Variants in CNOT2 observed in about 807,000 individuals in gnomAD.
The protein encoded by CNOT2 is CCR4-NOT transcription complex subunit 2.
A neutral mutation model predicts 72.1 loss-of-function variants in CNOT2; 7 were observed. That is an observed-to-expected ratio of 0.10 (90% CI 0.06 to 0.18). CNOT2 has a LOEUF of 0.18. CNOT2 is among the 10% of genes least tolerant of loss of function. CNOT2 has a pLI of 1.00. For synonymous variants in CNOT2, 196 were observed against 225.6 expected (o/e 0.87, Z 1.17); for missense variants, 345 against 660.3 (o/e 0.52, Z 5.23).
chr12:70,350,925 CAT>C lies in CNOT2; in HGVS notation c.1537-2903_1537-2902del, dbSNP rs567927884. On this transcript the variant is annotated intron_variant, in intron 15 of 15. Coordinates refer to ENST00000229195, the MANE Select transcript of CNOT2 (RefSeq NM_014515.7). ...CTCTACATAACTAGATCAGTGATTA[CAT>C]TAATGTTTTTGTAATATTATTTGAC... 2.2e-3 allele frequency among the ~76,000 whole-genome samples: 329 copies of C among 152,242 alleles called. 1 individual carries two copies. Among genetic ancestry groups the C allele is most frequent in the Middle Eastern group, 0.017 (5 of 294 alleles).
chr12:70,295,535 C>A (rs186074331), intron 2 of CNOT2, among the ~76,000 whole-genome samples: 10 of 151,990 alleles, frequency 6.6e-5, no homozygotes, highest in African/African-American at 2.4e-4. Context: ...AGAAGATTTT[C>A]CTTCTGTATG....
intron 2 of CNOT2, among the ~76,000 whole-genome samples, chr12:70,286,810 TTG>T (rs1870973332): frequency 2.2e-5 from 3 of 137,516 alleles, no homozygotes; most frequent in Non-Finnish European, 3.2e-5. Flanking sequence ...TTAGTTTTCT[TTG>T]TGGAAGAATC....
At chr12:70,254,206 C>A (rs964748020) in intron 1 of CNOT2, among the ~76,000 whole-genome samples, 1 of 149,182 alleles carries the variant, frequency 6.7e-6, no homozygotes, top group Admixed American at 6.7e-5. Context: ...CCACTGCACT[C>A]CAGCCTGGGG....
chr12:70,262,960 A>C (rs1369568659), intron 1 of CNOT2, among the ~76,000 whole-genome samples: 2 of 152,214 alleles, frequency 1.3e-5, no homozygotes, highest in Admixed American at 1.3e-4. Context: ...GGCATGAGCC[A>C]CCACACCCGG....
intron 2 of CNOT2, among the ~76,000 whole-genome samples, chr12:70,307,522 A>G (rs1875641831): frequency 6.6e-6 from 1 of 152,128 alleles, no homozygotes; most frequent in Non-Finnish European, 1.5e-5. Flanking sequence ...TATATGGTCC[A>G]TCATTGACTG....
chr12:70,245,921 T>G (rs1054141143), intron 1 of CNOT2, among the ~76,000 whole-genome samples: 1 of 152,168 alleles, frequency 6.6e-6, no homozygotes, highest in African/African-American at 2.4e-5. Flanking sequence ...TATGAATAGA[T>G]TTTATTAGAA....
In CNOT2 at chr12:70,338,442, G is replaced by C; in HGVS notation, c.901-1G>C. ...GTCACATTTAATTTTTTTCATGCTA[G>C]AATTTGAATACATCTGGCAAGACAA... is the stretch of plus-strand genomic sequence containing the variant. On this transcript the variant is annotated splice_acceptor_variant, in intron 9 of 15. Coordinates refer to ENST00000229195, the MANE Select transcript of CNOT2 (RefSeq NM_014515.7). LOFTEE classifies it high-confidence loss of function. The C allele has an allele frequency of 6.3e-7, 1 of 1,587,416 alleles. No homozygotes were observed. The highest frequency in any genetic ancestry group is 8.5e-7 in the Non-Finnish European group (1 of 1,171,594).
At chr12:70,302,780 T>C (rs1173905549) in intron 2 of CNOT2, among the ~76,000 whole-genome samples, 1 of 152,196 alleles carries the variant, frequency 6.6e-6, no homozygotes, top group African/African-American at 2.4e-5. Context: ...TTGTTAACTT[T>C]CTGTCTCGTT....
chr12:70,253,747 T>C (rs964265164), intron 1 of CNOT2, among the ~76,000 whole-genome samples: 2 of 152,182 alleles, frequency 1.3e-5, no homozygotes, highest in Non-Finnish European at 2.9e-5. Flanking sequence ...TAATTATTCC[T>C]GATTATTAGT....
chr12:70,243,611 C>T (rs1360028128), intron 1 of CNOT2, 131 bp downstream of exon 1: 5 of 151,882 alleles, frequency 3.3e-5, no homozygotes, highest in Non-Finnish European at 1.5e-5. Flanking sequence ...CCGGTAGCGT[C>T]CCGGCCCACC....
At chr12:70,256,762 C>T (rs1399460895) in intron 1 of CNOT2, among the ~76,000 whole-genome samples, 3 of 151,958 alleles carry the variant, frequency 2.0e-5, no homozygotes, top group Non-Finnish European at 4.4e-5. Flanking sequence ...TACAGTCTCT[C>T]GTTTTTCTCT....
chr12:70,292,552 T>C (rs868581299), intron 2 of CNOT2, among the ~76,000 whole-genome samples: 5 of 152,090 alleles, frequency 3.3e-5, no homozygotes, highest in South Asian at 4.1e-4. Context: ...GACAGGAGTA[T>C]GTCCGATGTG....
At chr12:70,263,106 A>G (rs560875008) in intron 1 of CNOT2, among the ~76,000 whole-genome samples, 1 of 152,282 alleles carries the variant, frequency 6.6e-6, no homozygotes, top group South Asian at 2.1e-4. Flanking sequence ...TAGTTGTGAC[A>G]AGTCACTTTT....
At chr12:70,255,309 T>G (rs1179930882) in intron 1 of CNOT2, among the ~76,000 whole-genome samples, 5 of 151,944 alleles carry the variant, frequency 3.3e-5, no homozygotes, top group African/African-American at 1.2e-4. Context: ...ATCGTGTCTG[T>G]TTTTTTGAAA....
chr12:70,261,383 C>T (rs1159161485), intron 1 of CNOT2, among the ~76,000 whole-genome samples: 2 of 124,474 alleles, frequency 1.6e-5, no homozygotes, highest in Non-Finnish European at 3.1e-5. Flanking sequence ...GGCATGATCT[C>T]GGCTCACTGC....
chr12:70,300,100 A>C (rs1448467066), intron 2 of CNOT2, among the ~76,000 whole-genome samples: 1 of 152,054 alleles, frequency 6.6e-6, no homozygotes, highest in Non-Finnish European at 1.5e-5. Flanking sequence ...GTTGGAGTTC[A>C]TTGTAGATTC....
At position 70,337,467 on chromosome 12, in the gene CNOT2, G is replaced by C; in HGVS notation, c.854G>C (p.Gly285Ala). 6.2e-7 allele frequency: 1 copy of C among 1,611,416 alleles called. No homozygotes were observed. The highest frequency in any genetic ancestry group is 8.5e-7 in the Non-Finnish European group (1 of 1,178,134). Reference protein sequence around the residue: ...IHNEDFPALPGSSYKDPTSSN... With the variant: ...IHNEDFPALPASSYKDPTSSN... ...AATGAAGATTTTCCAGCATTACCAG[G>C]CTCCAGCTATAAAGATCCAACATCA... Residue 285 changes from glycine (G) to alanine (A), a missense_variant, in exon 9 of 16, where the codon GGC becomes GCC. This residue lies in a region of CNOT2 where 128 missense variants were observed against 233.0 expected (regional missense o/e 0.55). Coordinates refer to ENST00000229195, the MANE Select transcript of CNOT2 (RefSeq NM_014515.7).
intron 3 of CNOT2, among the ~76,000 whole-genome samples, chr12:70,315,364 G>A (rs1877152670): frequency 1.3e-5 from 2 of 151,872 alleles, no homozygotes; most frequent in African/African-American, 2.4e-5. Context: ...TGTAGATATG[G>A]TACAGTTAAA....
intron 9 of CNOT2, 52 bp downstream of exon 9, chr12:70,337,565 T>A (rs1022425396): frequency 6.5e-7 from 1 of 1,547,090 alleles, no homozygotes; most frequent in Non-Finnish European, 8.9e-7. Context: ...CCCTTCAGAT[T>A]TCTCTTATAT....
Sources: allele counts gnomAD v4.1 joint callset (sites outside exome capture counted in the v4.1 genomes callset), GRCh38; gene constraint gnomAD v4.1.1; regional missense constraint gnomAD v4.1.1; transcripts MANE v1.5; gene names NCBI Gene and HGNC (gene_info 2026-07-23, HGNC 2026-07-21).